Variants in ZNF320 observed in about 807,000 individuals in gnomAD.
The protein encoded by ZNF320 is zinc finger gene 320.
ZNF320 carries 2 observed loss-of-function variants against 6.8 expected under a neutral mutation model. The ratio of observed to expected loss-of-function variants is 0.29; its 90% CI spans 0.12 to 0.93. The LOEUF is 0.93. Ranked by LOEUF, ZNF320 falls within the 40% of genes least tolerant of loss-of-function variation. ZNF320 has a pLI of 0.55. For missense variants in ZNF320, 472 were observed against 611.0 expected (o/e 0.77, Z 2.40); for synonymous variants, 208 against 203.2 (o/e 1.02, Z -0.20).
At chr19:52,869,867 C>A (rs2063648231) in intron 5 of ZNF320, among the ~76,000 whole-genome samples, 3 of 152,200 alleles carry the variant, frequency 2.0e-5, no homozygotes, top group South Asian at 4.2e-4. Flanking sequence ...AGGCACCCGC[C>A]ACCACATCTG....
Position 52,880,588 on chromosome 19 carries a change from C to T in ZNF320, c.*8G>A. On this transcript the variant is annotated 3_prime_UTR_variant, in exon 6 of 6. Transcript: ENST00000682928. ...CAAACTCAGGTCAATGCTGATTTGA[C>T]TCTGATGTCAATTAATGCTTGATGG... 1 of 1,586,066 alleles carries T rather than the reference C, an allele frequency of 6.3e-7. No individual in the cohort carries two copies. The highest frequency in any genetic ancestry group is 8.6e-7 in the Non-Finnish European group (1 of 1,168,058).
upstream of ZNF320, among the ~76,000 whole-genome samples, chr19:52,898,903 C>T (rs574457983): frequency 2.0e-5 from 3 of 152,334 alleles, no homozygotes; most frequent in East Asian, 1.9e-4. Context: ...GGCCTGGCCC[C>T]GGGGCTGCCT....
chr19:52,861,271 ATTTAAG>A (rs1257154915), exon 6 of ZNF320, among the ~76,000 whole-genome samples: 1 of 152,202 alleles, frequency 6.6e-6, no homozygotes, highest in Non-Finnish European at 1.5e-5. Flanking sequence ...TGCTAGAGAA[ATTTAAG>A]TAAGAAATAC....
chr19:52,860,968 G>T (rs1338119117), exon 6 of ZNF320, among the ~76,000 whole-genome samples: 3 of 152,064 alleles, frequency 2.0e-5, no homozygotes, highest in Admixed American at 1.3e-4. Flanking sequence ...CCATGTCACT[G>T]CACTTTAGTC....
In ZNF320 at chr19:52,881,779, A is replaced by G; in HGVS notation, c.347T>C (p.Ile116Thr). The change falls in exon 6 of 6, where the codon ATA becomes ACA. Residue 116 changes from isoleucine (I) to threonine (T), a missense_variant. Ile to Thr is a moderately conservative substitution (Grantham distance 89). Around this residue, in one of 2 missense-constraint regions of ZNF320, gnomAD observed 462 missense variants for 559.7 expected, o/e 0.83. Coordinates refer to ENST00000682928, the MANE Select transcript of ZNF320 (RefSeq NM_001351774.2). ...TNDHEAPMTEIKKLTSSTDRY... is the reference protein window; with the variant it reads ...TNDHEAPMTETKKLTSSTDRY... Reference sequence around the variant, plus strand: ...GTCTGTACTACTAGTCAACTTTTTTATTTCTGTCATGGGTGCTTCATGGTC... The same window carrying G: ...GTCTGTACTACTAGTCAACTTTTTTGTTTCTGTCATGGGTGCTTCATGGTC... 6.2e-7 allele frequency: 1 copy of G among 1,613,622 alleles called. No homozygotes were observed. Among genetic ancestry groups the G allele is most frequent in the Non-Finnish European group, 8.5e-7 (1 of 1,179,790 alleles).
upstream of ZNF320, among the ~76,000 whole-genome samples, chr19:52,898,931 CTTG>C (rs2147914559): frequency 6.6e-6 from 1 of 152,300 alleles, no homozygotes; most frequent in Admixed American, 6.5e-5. Context: ...GTTTTACTTT[CTTG>C]TTGTTTTTTC....
Position 52,881,851 on chromosome 19 carries a change from T to C in ZNF320, c.275A>G (p.Lys92Arg). ...CTGAAACACAAAGTCATGAATGTCT[T>C]TCTCAATTTCCTGGGAGCAAAATGC... ...IGAFCSQEIE[K>R]DIHDFVFQWQ... Residue 92 changes from lysine (K) to arginine (R), a missense_variant, in exon 6 of 6, where the codon AAA becomes AGA. Around this residue, in one of 2 missense-constraint regions of ZNF320, gnomAD observed 462 missense variants for 559.7 expected, o/e 0.83. Transcript: ENST00000682928. The C allele has an allele frequency of 6.2e-7, 1 of 1,613,952 alleles. No homozygotes were observed. The highest frequency in any genetic ancestry group is 8.5e-7 in the Non-Finnish European group (1 of 1,179,864).
At chr19:52,896,293 G>A (rs2064469769) in intron 1 of ZNF320, among the ~76,000 whole-genome samples, 1 of 152,182 alleles carries the variant, frequency 6.6e-6, no homozygotes, top group Non-Finnish European at 1.5e-5. Flanking sequence ...ATTTCGCCAT[G>A]TTGACTAGGC....
chr19:52,898,842 G>A (rs1394030798), upstream of ZNF320, among the ~76,000 whole-genome samples: 1 of 152,204 alleles, frequency 6.6e-6, no homozygotes, highest in Non-Finnish European at 1.5e-5. Context: ...TAAGCCATAA[G>A]TTGATTTTTA....
chr19:52,883,917 T>C (rs988143210), intron 5 of ZNF320, among the ~76,000 whole-genome samples: 2 of 152,008 alleles, frequency 1.3e-5, no homozygotes, highest in Non-Finnish European at 2.9e-5. Flanking sequence ...TAAAATAAGA[T>C]AAATAACTAC....
chr19:52,863,869 A>G (rs2063502022), exon 6 of ZNF320: 2 of 260,014 alleles, frequency 7.7e-6, no homozygotes, highest in South Asian at 7.4e-5. Context: ...TATCTCCACT[A>G]AAGATACAAA....
rs1028886317 is a variant in ZNF320 at position 52,862,647 on chromosome 19, C to T, written c.*1382G>A. The T allele has an allele frequency of 5.1e-6, 3 of 588,476 alleles. No homozygotes were observed. In the African/African-American group the frequency reaches 5.7e-5, roughly 11 times the overall value. The allele number at this position is 588,476 out of a possible 1,614,324, so 36.5% of individuals were successfully genotyped here. On this transcript the variant is annotated 3_prime_UTR_variant, in exon 6 of 6. Coordinates refer to the ZNF320 transcript ENST00000673631. ...ATAGGCGATGCCCTCACCCTAAAGG[C>T]TTTGCCACACTCATTACACTTGTAA... is the stretch of plus-strand genomic sequence containing the variant.
In ZNF320 at chr19:52,881,930, T is replaced by C. The variant is rs2063936031; in HGVS notation, c.196A>G (p.Thr66Ala). ...NTLSSTGQGN[T>A]EVIHTGTLQR... ...AATGTCCCTGTGTGGATCACTTCTG[T>C]ATTGCCTTGCCCTGTTGATGACAAT... Residue 66 changes from threonine (T) to alanine (A), a missense_variant, in exon 6 of 6, where the codon ACA becomes GCA. Coordinates refer to ENST00000682928, the MANE Select transcript of ZNF320 (RefSeq NM_001351774.2). 7.5e-6 allele frequency: 12 copies of C among 1,610,230 alleles called. No homozygotes were observed. The highest frequency in any genetic ancestry group is 9.3e-6 in the Non-Finnish European group (11 of 1,178,554).
intron 5 of ZNF320, among the ~76,000 whole-genome samples, chr19:52,886,526 C>T (rs892575461): frequency 1.3e-5 from 2 of 152,164 alleles, no homozygotes; most frequent in Admixed American, 6.6e-5. Context: ...ATCAATACAA[C>T]GCACTTCACT....
intron 4 of ZNF320, among the ~76,000 whole-genome samples, chr19:52,888,968 G>C (rs939973386): frequency 2.0e-5 from 3 of 152,088 alleles, no homozygotes; most frequent in African/African-American, 7.2e-5. Context: ...GGTGGATCAT[G>C]AGGTCAGCAG....
chr19:52,887,655 C>T (rs1440941795), intron 5 of ZNF320, among the ~76,000 whole-genome samples: 5 of 152,150 alleles, frequency 3.3e-5, no homozygotes, highest in Non-Finnish European at 5.9e-5. Context: ...GGTGTGTTCT[C>T]GGCTCACTGC....
rs200217825 is a variant in ZNF320, at chr19:52,876,810, TTA to T, written c.*3784_*3785del. Reference sequence around the variant, plus strand: ...GAGCACCTGGTCTATTTTTTTTTTTTTAAATTAAGAAACACGTTGGTCATGGT... The same window carrying T: ...GAGCACCTGGTCTATTTTTTTTTTTTAATTAAGAAACACGTTGGTCATGGT... On this transcript the variant is annotated 3_prime_UTR_variant, in exon 6 of 6. Coordinates refer to ENST00000682928, the MANE Select transcript of ZNF320 (RefSeq NM_001351774.2). The T allele has an allele frequency of 1.0e-4, 15 of 146,468 alleles. No homozygotes were observed. Among genetic ancestry groups the T allele is most frequent in the Non-Finnish European group, 1.5e-4 (10 of 64,580 alleles). 9.1% of individuals were successfully genotyped at this position (146,468 alleles called of 1,614,324 possible).
chr19:52,896,537 C>T (rs1201399303), intron 1 of ZNF320, among the ~76,000 whole-genome samples: 1 of 152,080 alleles, frequency 6.6e-6, no homozygotes, highest in Non-Finnish European at 1.5e-5. Flanking sequence ...GGCAAAAGCC[C>T]GTCTCTACCA....
chr19:52,898,216 G>T (rs1434390940), upstream of ZNF320, among the ~76,000 whole-genome samples: 1 of 152,178 alleles, frequency 6.6e-6, no homozygotes, highest in African/African-American at 2.4e-5. Context: ...TCCATTCACT[G>T]GGGTGGGAGA....
Sources: gnomAD v4.1 joint callset for allele counts (sites outside exome capture counted in the v4.1 genomes callset) on GRCh38, gnomAD v4.1.1 for gene constraint, gnomAD v4.1.1 regional missense constraint, MANE v1.5 for transcripts, NCBI Gene and HGNC (gene_info 2026-07-23, HGNC 2026-07-21) for gene names.